ILRUN: variants seen among roughly 807,000 people sequenced by gnomAD.
The protein encoded by ILRUN is protein ILRUN.
Under a neutral mutation model 33.8 loss-of-function variants are expected in ILRUN, and 3 were observed. That is an observed-to-expected ratio of 0.09 (90% CI 0.04 to 0.23). ILRUN has a LOEUF of 0.23. ILRUN is among the 10% of genes least tolerant of loss of function. The pLI is 1.00. For missense variants in ILRUN, 210 were observed against 375.1 expected (o/e 0.56, Z 3.64); for synonymous variants, 124 against 138.9 (o/e 0.89, Z 0.75).
At chr6:34,684,164 G>A (rs900252476) in intron 1 of ILRUN, among the ~76,000 whole-genome samples, 2 of 151,626 alleles carry the variant, frequency 1.3e-5, no homozygotes, top group Admixed American at 6.6e-5. Flanking sequence ...ATCTAACACT[G>A]GACCCCCATT....
chr6:34,654,008 T>G (rs796915791), intron 2 of ILRUN, among the ~76,000 whole-genome samples: 117 of 151,072 alleles, frequency 7.7e-4, no homozygotes, highest in African/African-American at 2.8e-3. Flanking sequence ...ATTCTGTGTG[T>G]GAGCTACCAC....
rs1201306564 is a variant in ILRUN at position 34,592,602 on chromosome 6, AT to A, written c.862-2003del. ...ATTTTTATTTTTATTTTTTATTTTT[AT>A]TTTTTTCAAGACAGAGTCAAGTGCT... is the stretch of plus-strand genomic sequence containing the variant. On this transcript the variant is annotated intron_variant, in intron 4 of 4. Coordinates refer to ENST00000374023, the MANE Select transcript of ILRUN (RefSeq NM_024294.4). The surrounding 1 kb of genome is among the most constrained non-coding windows in gnomAD (Gnocchi z 4.0). Among the ~76,000 whole-genome samples the A allele has an allele frequency of 1.3e-5, 2 of 151,866 alleles. No individual in the cohort carries two copies. Among genetic ancestry groups the A allele is most frequent in the African/African-American group, 4.8e-5 (2 of 41,326 alleles).
chr6:34,640,939 C>A (rs1330490771), intron 3 of ILRUN, among the ~76,000 whole-genome samples: 1 of 150,400 alleles, frequency 6.6e-6, no homozygotes, highest in African/African-American at 2.5e-5. Context: ...ATTAGCCGGG[C>A]ATGGTGGCAC....
chr6:34,658,028 T>C (rs1242679441), intron 1 of ILRUN, among the ~76,000 whole-genome samples: 1 of 152,142 alleles, frequency 6.6e-6, no homozygotes, highest in African/African-American at 2.4e-5. Context: ...AGAGGCAACG[T>C]TAACAGTGAT....
chr6:34,674,188 A>C (rs1284620169), intron 1 of ILRUN, among the ~76,000 whole-genome samples: 1 of 152,064 alleles, frequency 6.6e-6, no homozygotes, highest in Admixed American at 6.6e-5. Flanking sequence ...CACCACACCC[A>C]GCTAATTTTT....
chr6:34,668,175 T>C (rs1174661760), intron 1 of ILRUN, among the ~76,000 whole-genome samples: 2 of 152,234 alleles, frequency 1.3e-5, no homozygotes, highest in African/African-American at 2.4e-5. Context: ...GCTAAGAATG[T>C]AGAATGGTAA....
rs1762556799 is a variant in ILRUN, at chr6:34,646,020, G to A, written c.511+581C>T. 6.6e-6 allele frequency among the ~76,000 whole-genome samples: 1 copy of A among 152,232 alleles called. No individual in the cohort carries two copies. Among genetic ancestry groups the A allele is most frequent in the Admixed American group, 6.5e-5 (1 of 15,282 alleles). The stretch of plus-strand genomic sequence containing the variant: ...TGATCATTAAAAGGTCAGCTGGTAT[G>A]AAGACTGTAATGAGGCTACTGGATT... On this transcript the variant is annotated intron_variant, in intron 3 of 4. Transcript: ENST00000374023. The surrounding 1 kb of genome is among the most constrained non-coding windows in gnomAD (Gnocchi z 4.9).
chr6:34,670,038 A>G (rs1763084240), intron 1 of ILRUN, among the ~76,000 whole-genome samples: 1 of 151,896 alleles, frequency 6.6e-6, no homozygotes. Context: ...CAGCCTCCCG[A>G]GTAGCTGGGA....
intron 4 of ILRUN, among the ~76,000 whole-genome samples, chr6:34,593,686 A>C (rs961335596): frequency 5.9e-5 from 9 of 152,226 alleles, no homozygotes; most frequent in Non-Finnish European, 1.3e-4. Flanking sequence ...ATTGGAACAG[A>C]AAAATAGTTT....
intron 1 of ILRUN, among the ~76,000 whole-genome samples, chr6:34,695,050 CAAAAA>C (rs60744554): frequency 9.0e-6 from 1 of 110,852 alleles, no homozygotes. Context: ...GACTCCGTCT[CAAAAA>C]AAAAAAAAAA....
At chr6:34,666,169 A>T (rs1055568101) in intron 1 of ILRUN, among the ~76,000 whole-genome samples, 3 of 152,248 alleles carry the variant, frequency 2.0e-5, no homozygotes, top group Admixed American at 6.5e-5. Flanking sequence ...CATGGCATTT[A>T]AACTCTGACC....
chr6:34,605,072 C>T (rs1462577907), intron 4 of ILRUN, among the ~76,000 whole-genome samples: 4 of 152,076 alleles, frequency 2.6e-5, no homozygotes, highest in Non-Finnish European at 4.4e-5. Context: ...TTTGGGAGGC[C>T]GAGGCGGGTG....
intron 1 of ILRUN, among the ~76,000 whole-genome samples, chr6:34,687,712 T>TATATATATATATTTATAAA (rs1763553759): frequency 2.0e-4 from 26 of 129,858 alleles, no homozygotes; most frequent in African/African-American, 7.5e-4. Flanking sequence ...AAAAAAAATA[T>TATATATATATATTTATAAA]ATATATATAT....
intron 1 of ILRUN, among the ~76,000 whole-genome samples, chr6:34,664,722 G>T (rs1360165996): frequency 6.6e-6 from 1 of 152,068 alleles, no homozygotes; most frequent in Non-Finnish European, 1.5e-5. Context: ...GTCCCAGAAT[G>T]ACAAACAAAA....
In ILRUN at chr6:34,696,619, C is replaced by T; in HGVS notation, c.-16G>A. ...TGCCCTCCATGGCGGGGACCGGACA[C>T]CCGCTTCCCCGCCTCTTCACAACCA... On this transcript the variant is annotated 5_prime_UTR_variant, in exon 1 of 5. The change creates a new upstream start codon in the 5' untranslated region. Coordinates refer to ENST00000374023, the MANE Select transcript of ILRUN (RefSeq NM_024294.4). The T allele has an allele frequency of 2.5e-6, 4 of 1,579,740 alleles. No homozygotes were observed. Among genetic ancestry groups the T allele is most frequent in the South Asian group, 2.2e-5 (2 of 89,058 alleles).
intron 1 of ILRUN, among the ~76,000 whole-genome samples, chr6:34,674,911 C>CA (rs937327855): frequency 1.3e-4 from 20 of 151,986 alleles, no homozygotes; most frequent in Non-Finnish European, 2.1e-4. Flanking sequence ...CACATACACA[C>CA]AAAAAAATTT....
At position 34,635,223 on chromosome 6, in the gene ILRUN, C is replaced by T. The variant is rs543012153; in HGVS notation, c.511+11378G>A. Among the ~76,000 whole-genome samples, 3 of 152,200 alleles carry T rather than the reference C, an allele frequency of 2.0e-5. No individual in the cohort carries two copies. In the South Asian group the frequency reaches 6.2e-4, roughly 32 times the overall value. ...GCTTTCAAGATCATGTCAAAACAAA[C>T]TATAAGCAAAACTCTTAGAAATCTG... On this transcript the variant is annotated intron_variant, in intron 3 of 4. Coordinates refer to ENST00000374023, the MANE Select transcript of ILRUN (RefSeq NM_024294.4).
chr6:34,621,143 C>A (rs1050458595), intron 3 of ILRUN, among the ~76,000 whole-genome samples: 2 of 152,138 alleles, frequency 1.3e-5, no homozygotes, highest in Non-Finnish European at 2.9e-5. Context: ...GGAAATCAAA[C>A]CAAATATTTA....
intron 1 of ILRUN, among the ~76,000 whole-genome samples, chr6:34,682,002 C>T (rs186837562): frequency 6.7e-6 from 1 of 149,776 alleles, no homozygotes; most frequent in Admixed American, 6.6e-5. Context: ...CAGGTGCATG[C>T]CACCACACCC....
Sources: allele counts gnomAD v4.1 joint callset (sites outside exome capture counted in the v4.1 genomes callset), GRCh38; gene constraint gnomAD v4.1.1; non-coding constraint Gnocchi (gnomAD v3.1); transcripts MANE v1.5; gene names NCBI Gene and HGNC (gene_info 2026-07-23, HGNC 2026-07-21).